Variants in GRB10 observed in about 807,000 individuals in gnomAD.
The protein encoded by GRB10 is growth factor receptor bound protein 10, also known as growth factor receptor-bound protein 10.
GRB10 carries 20 observed loss-of-function variants against 80.9 expected under a neutral mutation model. That is an observed-to-expected ratio of 0.25 (90% CI 0.17 to 0.36). GRB10 has a LOEUF of 0.36. Among genes scored for constraint, GRB10 ranks in the 10% least tolerant of loss-of-function variants. The pLI, the probability that GRB10 is intolerant of heterozygous loss-of-function variation, is 1.00. For missense variants in GRB10, 548 were observed against 747.7 expected (o/e 0.73, Z 3.12); for synonymous variants, 291 against 291.5 (o/e 1.00, Z 0.02).
chr7:50,773,554 T>C (rs1020633143), intron 2 of GRB10, among the ~76,000 whole-genome samples: 5 of 151,022 alleles, frequency 3.3e-5, no homozygotes, highest in African/African-American at 4.9e-5. Context: ...TGCCAAGTGT[T>C]GGCAAGAATG....
intron 1 of GRB10, chr7:50,793,010 G>A (rs1175365599): frequency 7.0e-6 from 1 of 143,254 alleles, no homozygotes; most frequent in African/African-American, 2.5e-5. Flanking sequence ...TCCCGCCTCC[G>A]AGCACCGCCC....
At chr7:50,682,582 A>C (rs1331306762) in intron 5 of GRB10, among the ~76,000 whole-genome samples, 1 of 152,212 alleles carries the variant, frequency 6.6e-6, no homozygotes, top group African/African-American at 2.4e-5. Flanking sequence ...TTTCCAGTTA[A>C]GTATTTGACA....
chr7:50,672,421 G>A (rs569493483), intron 6 of GRB10, among the ~76,000 whole-genome samples: 5 of 152,258 alleles, frequency 3.3e-5, no homozygotes, highest in Admixed American at 6.5e-5. Context: ...CTCAGCAAAT[G>A]GCCTCACTTC....
chr7:50,765,716 C>T (rs181504147), intron 2 of GRB10, among the ~76,000 whole-genome samples: 73 of 151,250 alleles, frequency 4.8e-4, no homozygotes, highest in South Asian at 2.6e-3. Context: ...TTATATAATA[C>T]TAGGCCTTAT....
At chr7:50,614,290 G>C (rs556402120) in intron 12 of GRB10, among the ~76,000 whole-genome samples, 1 of 152,294 alleles carries the variant, frequency 6.6e-6, no homozygotes, top group Non-Finnish European at 1.5e-5. Context: ...GTGTGCACAC[G>C]TGTGTGTGCA....
intron 13 of GRB10, among the ~76,000 whole-genome samples, chr7:50,611,423 T>C (rs2049508454): frequency 6.6e-6 from 1 of 152,224 alleles, no homozygotes; most frequent in Non-Finnish European, 1.5e-5. Context: ...TGGTCTATGA[T>C]CTATGATGTA....
intron 7 of GRB10, among the ~76,000 whole-genome samples, chr7:50,638,570 T>C (rs1463857226): frequency 1.1e-4 from 16 of 152,174 alleles, no homozygotes; most frequent in Admixed American, 1.0e-3. Flanking sequence ...AGAATGGCTA[T>C]TACTTAAAAG....
chr7:50,660,596 C>T (rs557815526), intron 7 of GRB10, among the ~76,000 whole-genome samples: 3 of 152,134 alleles, frequency 2.0e-5, no homozygotes, highest in South Asian at 4.2e-4. Flanking sequence ...CAGGAGCTCC[C>T]CCTCCACACC....
chr7:50,606,617 T>C (rs1292908432), intron 13 of GRB10: 1 of 594,894 alleles, frequency 1.7e-6, no homozygotes, highest in East Asian at 2.9e-5. Flanking sequence ...AAAATCCGAG[T>C]ATAGCTTTTG....
intron 5 of GRB10, among the ~76,000 whole-genome samples, chr7:50,691,550 A>G (rs866408073): frequency 2.0e-5 from 3 of 152,256 alleles, no homozygotes; most frequent in African/African-American, 7.2e-5. Flanking sequence ...TCACTTAAAC[A>G]TGTAAGAAAC....
At position 50,674,498 on chromosome 7, in the gene GRB10, C is replaced by T. The variant is rs372253898; in HGVS notation, c.300G>A (p.Gln100=). ...PRASGPPRSI[Q]PQVSPRQRVQ... ...CCCTCTGCCTCGGGGACACCTGTGGCTGGATGGACCGAGGAGGGCCTGAAG... is the reference window on the plus strand; with the variant it reads ...CCCTCTGCCTCGGGGACACCTGTGGTTGGATGGACCGAGGAGGGCCTGAAG... The change falls in exon 6 of 19, where the codon CAG becomes CAA. Residue 100 remains glutamine, a synonymous_variant. Transcript: ENST00000401949. The T allele has an allele frequency of 1.2e-5, 19 of 1,609,220 alleles. No individual in the cohort carries two copies. The highest frequency in any genetic ancestry group is 4.0e-5 in the African/African-American group (3 of 74,940).
chr7:50,775,174 C>CAA (rs1305513693), intron 2 of GRB10, among the ~76,000 whole-genome samples: 963 of 71,430 alleles, frequency 0.013, 106 homozygotes, highest in African/African-American at 0.044. Flanking sequence ...AAAAAAAAAA[C>CAA]AAAAAAAAAC....
intron 5 of GRB10, among the ~76,000 whole-genome samples, chr7:50,686,197 ACCCAAATGATGGAATTCGTG>A (rs1006741560): frequency 1.3e-5 from 2 of 152,034 alleles, no homozygotes; most frequent in Non-Finnish European, 2.9e-5. Context: ...TTGGGGTAGA[ACCCAAATGATGGAATTCGTG>A]CCCTTATAAA....
At chr7:50,700,780 A>G (rs1198789630) in intron 5 of GRB10, among the ~76,000 whole-genome samples, 2 of 152,178 alleles carry the variant, frequency 1.3e-5, no homozygotes, top group Non-Finnish European at 2.9e-5. Context: ...TTTGTTTTCA[A>G]CTTTTTATGT....
chr7:50,666,901 G>A (rs1265770512), intron 7 of GRB10, among the ~76,000 whole-genome samples: 2 of 152,054 alleles, frequency 1.3e-5, no homozygotes, highest in Admixed American at 6.6e-5. Flanking sequence ...TTAGCCGGGC[G>A]TGGTGGCGGG....
Position 50,606,382 on chromosome 7 carries a change from G to T in GRB10, c.1227C>A (p.Ile409=). The change falls in exon 14 of 19, where the codon ATC becomes ATA. Residue 409 remains isoleucine (I), a synonymous_variant. Coordinates refer to ENST00000401949, the MANE Select transcript of GRB10 (RefSeq NM_001350814.2). ...ACAGCAAGGCCTTCCTCTGCTGAGG[G>T]ATTCGGTAATTCTGGTAAAGGAGCA... ...YGMLLYQNYR[I]PQQRKALLSP... is the part of the protein sequence containing the mutation. 6.2e-7 allele frequency: 1 copy of T among 1,614,126 alleles called. No homozygotes were observed. Among genetic ancestry groups the T allele is most frequent in the Non-Finnish European group, 8.5e-7 (1 of 1,179,948 alleles).
chr7:50,652,477 G>C (rs1470305124), intron 7 of GRB10, among the ~76,000 whole-genome samples: 1 of 152,192 alleles, frequency 6.6e-6, no homozygotes, highest in Non-Finnish European at 1.5e-5. Context: ...CAGAATAAGA[G>C]AAGAACGCCT....
At chr7:50,758,568 T>C (rs1229601792) in intron 2 of GRB10, among the ~76,000 whole-genome samples, 6 of 152,222 alleles carry the variant, frequency 3.9e-5, no homozygotes, top group African/African-American at 1.2e-4. Context: ...GTAATAACAG[T>C]GACTATTTAG....
intron 3 of GRB10, among the ~76,000 whole-genome samples, chr7:50,751,905 G>C (rs1217473491): frequency 1.3e-5 from 2 of 152,118 alleles, no homozygotes; most frequent in Non-Finnish European, 2.9e-5. Flanking sequence ...ACAGAGTTAG[G>C]TTTCTATGAG....
Sources: gnomAD v4.1 joint callset for allele counts (sites outside exome capture counted in the v4.1 genomes callset) on GRCh38, gnomAD v4.1.1 for gene constraint, MANE v1.5 for transcripts, NCBI Gene and HGNC (gene_info 2026-07-23, HGNC 2026-07-21) for gene names.